Variants in CDH11 observed in about 807,000 individuals in gnomAD.
CDH11 encodes the protein cadherin-11.
A neutral mutation model predicts 67.8 loss-of-function variants in CDH11; 11 were observed. The observed-to-expected ratio is 0.16, with a 90% CI of 0.10 to 0.27. The LOEUF (loss-of-function observed/expected upper bound fraction) is 0.27. Ranked by LOEUF, CDH11 falls within the 10% of genes least tolerant of loss-of-function variation. The pLI, the probability that CDH11 is intolerant of heterozygous loss-of-function variation, is 1.00. For synonymous variants in CDH11, 419 were observed against 400.0 expected (o/e 1.05, Z -0.57); for missense variants, 847 against 1,031.2 (o/e 0.82, Z 2.45).
At chr16:65,099,991 A>G (rs534362297) in intron 1 of CDH11, among the ~76,000 whole-genome samples, 2 of 152,336 alleles carry the variant, frequency 1.3e-5, no homozygotes, top group East Asian at 3.9e-4. Context: ...CAGAAGAGAA[A>G]TGATAAGGGC....
intron 8 of CDH11, among the ~76,000 whole-genome samples, chr16:64,974,986 C>A (rs138938216): frequency 6.6e-6 from 1 of 152,072 alleles, no homozygotes; most frequent in African/African-American, 2.4e-5. Flanking sequence ...AAATGGAATG[C>A]GTATTTTTTT....
In CDH11 at chr16:65,027,183, G is replaced by A. The variant is rs917216323; in HGVS notation, c.-172-22142C>T. ...ACTTTAGTACTCACACCATAAAGGA[G>A]GGACAATTCTGTTCTGGACAGCAAA... On this transcript the variant is annotated intron_variant, in intron 2 of 12. Transcript: ENST00000268603. Among the ~76,000 whole-genome samples, 5 of 152,142 alleles carry A rather than the reference G, an allele frequency of 3.3e-5. No homozygotes were observed. In the East Asian group the frequency reaches 9.6e-4, roughly 29 times the overall value.
At chr16:64,952,914 C>T (rs1023057255) in intron 11 of CDH11, among the ~76,000 whole-genome samples, 2 of 151,880 alleles carry the variant, frequency 1.3e-5, no homozygotes, top group South Asian at 2.1e-4. Context: ...TGGTATCTGC[C>T]GGGAATTGGT....
chr16:64,947,532 C>G lies in CDH11; in HGVS notation c.*71G>C, dbSNP rs1166917784. 3 of 1,521,644 alleles carry G rather than the reference C, an allele frequency of 2.0e-6. No individual in the cohort carries two copies. Among genetic ancestry groups the G allele is most frequent in the East Asian group, 2.3e-5 (1 of 44,056 alleles). The allele number at this position is 1,521,644 out of a possible 1,614,324, so 94.3% of individuals were successfully genotyped here. On this transcript the variant is annotated 3_prime_UTR_variant, in exon 13 of 13. Transcript: ENST00000268603. ...GCCTTTCCTTGATTTAAAAAAATAC[C>G]TGTTTACACATCTTCTAGATTCTTG... is the stretch of plus-strand genomic sequence containing the variant.
intron 2 of CDH11, among the ~76,000 whole-genome samples, chr16:65,046,346 G>A (rs769373561): frequency 4.6e-5 from 7 of 152,198 alleles, no homozygotes; most frequent in Non-Finnish European, 1.0e-4. Context: ...AGAAGCGCTT[G>A]CTGAGCACTT....
chr16:65,058,923 T>C (rs746891426), intron 1 of CDH11, among the ~76,000 whole-genome samples: 1 of 152,222 alleles, frequency 6.6e-6, no homozygotes, highest in African/African-American at 2.4e-5. Context: ...AAAAGATATA[T>C]TGTGCTTCTA....
At chr16:65,112,259 T>C (rs1454301153) in intron 1 of CDH11, among the ~76,000 whole-genome samples, 3 of 151,946 alleles carry the variant, frequency 2.0e-5, no homozygotes, top group Admixed American at 6.6e-5. Flanking sequence ...GAGTTACATA[T>C]CACTAGCAAT....
At chr16:65,108,751 T>C (rs921162162) in intron 1 of CDH11, among the ~76,000 whole-genome samples, 7 of 152,172 alleles carry the variant, frequency 4.6e-5, no homozygotes, top group African/African-American at 1.7e-4. Flanking sequence ...ACTAGTGATA[T>C]TTTACTAAGC....
intron 11 of CDH11, among the ~76,000 whole-genome samples, chr16:64,954,298 A>G (rs2071444103): frequency 6.6e-6 from 1 of 152,218 alleles, no homozygotes; most frequent in African/African-American, 2.4e-5. Context: ...TGCTTCACAT[A>G]TAGATTTTAA....
rs1334540052 is a variant in CDH11, at chr16:64,965,156, C to T, written c.1642+6423G>A. Among the ~76,000 whole-genome samples the T allele has an allele frequency of 5.8e-5, 8 of 137,674 alleles. No individual in the cohort carries two copies. In the Admixed American group the frequency reaches 6.7e-4, roughly 12 times the overall value. The allele number at this position is 137,674 out of a possible 152,430, so 90.3% of individuals were successfully genotyped here. ...GGTGGATTACCTGAGGTCAGGAGTT[C>T]CAGACCAGCCTGGCCAACATGGTGA... On this transcript the variant is annotated intron_variant, in intron 11 of 12. Coordinates refer to ENST00000268603, the MANE Select transcript of CDH11 (RefSeq NM_001797.4).
At chr16:65,093,470 G>C (rs1197000064) in intron 1 of CDH11, among the ~76,000 whole-genome samples, 1 of 151,954 alleles carries the variant, frequency 6.6e-6, no homozygotes, top group Non-Finnish European at 1.5e-5. Context: ...TAGTGGGGTG[G>C]TTCTAGAACA....
intron 1 of CDH11, among the ~76,000 whole-genome samples, chr16:65,057,438 G>A (rs2074162675): frequency 6.6e-6 from 1 of 152,172 alleles, no homozygotes; most frequent in African/African-American, 2.4e-5. Context: ...GGCTCAGACA[G>A]TACATGCTAT....
intron 1 of CDH11, among the ~76,000 whole-genome samples, chr16:65,101,115 G>C (rs907861176): frequency 2.6e-5 from 4 of 152,160 alleles, no homozygotes; most frequent in Non-Finnish European, 5.9e-5. Context: ...CCATTACTCA[G>C]AGGAACTATG....
At chr16:65,035,538 A>T (rs2073736827) in intron 2 of CDH11, among the ~76,000 whole-genome samples, 1 of 152,136 alleles carries the variant, frequency 6.6e-6, no homozygotes, top group Non-Finnish European at 1.5e-5. Context: ...TATCAAACCC[A>T]TCTGCTGATA....
chr16:65,064,108 C>T (rs940924452), intron 1 of CDH11, among the ~76,000 whole-genome samples: 3 of 152,186 alleles, frequency 2.0e-5, no homozygotes, highest in Admixed American at 2.0e-4. Flanking sequence ...TGTGTAGGCA[C>T]AGCCAGGTTT....
At chr16:65,004,501 T>A in intron 3 of CDH11, 141 bp downstream of exon 3, 1 of 689,590 alleles carries the variant, frequency 1.5e-6, no homozygotes, top group Non-Finnish European at 2.4e-6. Flanking sequence ...TTATGTACAA[T>A]ATTTGGGTGG....
At chr16:65,107,130 T>C (rs566751148) in intron 1 of CDH11, among the ~76,000 whole-genome samples, 2 of 152,270 alleles carry the variant, frequency 1.3e-5, no homozygotes, top group Non-Finnish European at 2.9e-5. Flanking sequence ...CTCACGGACC[T>C]ACCCTTGAAA....
intron 11 of CDH11, among the ~76,000 whole-genome samples, chr16:64,953,949 G>A (rs907769589): frequency 6.6e-6 from 1 of 152,178 alleles, no homozygotes; most frequent in African/African-American, 2.4e-5. Flanking sequence ...GAGGGTATGG[G>A]AACAGAATAT....
chr16:65,122,993 C>G (rs1032758688), upstream of CDH11, among the ~76,000 whole-genome samples: 2 of 152,194 alleles, frequency 1.3e-5, no homozygotes, highest in African/African-American at 4.8e-5. Flanking sequence ...GGCGCAGCGC[C>G]GGAGTCCTAG....
Sources: allele counts gnomAD v4.1 joint callset (sites outside exome capture counted in the v4.1 genomes callset), GRCh38; gene constraint gnomAD v4.1.1; transcripts MANE v1.5; gene names NCBI Gene and HGNC (gene_info 2026-07-23, HGNC 2026-07-21).